Variants in TSPEAR observed in about 807,000 individuals in gnomAD.
The protein encoded by TSPEAR is thrombospondin-type laminin G domain and EAR repeat-containing protein.
TSPEAR carries 69 observed loss-of-function variants against 71.6 expected under a neutral mutation model. That is an observed-to-expected ratio of 0.96 (90% CI 0.79 to 1.18). TSPEAR has a LOEUF of 1.18. Ranked by LOEUF, TSPEAR falls within the 50% of genes most tolerant of loss-of-function variation. The pLI is 0.00. For missense variants in TSPEAR, 971 were observed against 894.9 expected (o/e 1.09, Z -1.09); for synonymous variants, 402 against 387.2 (o/e 1.04, Z -0.45).
intron 1 of TSPEAR, among the ~76,000 whole-genome samples, chr21:44,569,065 A>G (rs1286873549): frequency 6.6e-6 from 1 of 152,082 alleles, no homozygotes; most frequent in Non-Finnish European, 1.5e-5. Flanking sequence ...GCAGCTGGAG[A>G]GCAGGACTCC....
intron 9 of TSPEAR, chr21:44,517,475 G>T (rs138104441): frequency 3.5e-6 from 1 of 287,344 alleles, no homozygotes; most frequent in Non-Finnish European, 6.9e-6. Flanking sequence ...CACAGGTCCA[G>T]CTAGGCTGGG....
chr21:44,661,712 G>T (rs1358282885), intron 1 of TSPEAR, among the ~76,000 whole-genome samples: 2 of 152,310 alleles, frequency 1.3e-5, no homozygotes, highest in African/African-American at 4.8e-5. Context: ...AAGCACTGTG[G>T]AAGGTGAAGG....
chr21:44,589,293 C>T (rs1979587058), intron 1 of TSPEAR, among the ~76,000 whole-genome samples: 1 of 152,172 alleles, frequency 6.6e-6, no homozygotes, highest in Non-Finnish European at 1.5e-5. Context: ...GAATAATATT[C>T]CCCACGGGAA....
At chr21:44,699,150 T>C (rs1161029713) in intron 1 of TSPEAR, among the ~76,000 whole-genome samples, 1 of 152,048 alleles carries the variant, frequency 6.6e-6, no homozygotes, top group East Asian at 1.9e-4. Context: ...TGAGCTGAGA[T>C]TGTACCACTG....
chr21:44,652,219 G>C (rs370162587), intron 1 of TSPEAR, among the ~76,000 whole-genome samples: 14 of 152,268 alleles, frequency 9.2e-5, no homozygotes, highest in South Asian at 2.1e-4. Context: ...TCCTGACCTC[G>C]TGATCCGCCC....
chr21:44,555,768 C>T (rs1555919697), intron 2 of TSPEAR, among the ~76,000 whole-genome samples: 1 of 152,104 alleles, frequency 6.6e-6, no homozygotes, highest in East Asian at 1.9e-4. Flanking sequence ...AGACCCAGGA[C>T]AGAGAGGTCT....
At chr21:44,699,933 G>T (rs1205894691) in intron 1 of TSPEAR, among the ~76,000 whole-genome samples, 1 of 152,164 alleles carries the variant, frequency 6.6e-6, no homozygotes, top group Non-Finnish European at 1.5e-5. Context: ...CCCTGGCCCT[G>T]CCATCTTCAC....
chr21:44,674,406 T>C (rs1555946527), intron 1 of TSPEAR, among the ~76,000 whole-genome samples: 1 of 151,980 alleles, frequency 6.6e-6, no homozygotes, highest in African/African-American at 2.4e-5. Flanking sequence ...ACATTACAAC[T>C]GATACCATGG....
rs1309259637 is a variant in TSPEAR at position 44,529,845 on chromosome 21, G to A, written c.743C>T (p.Ala248Val). Reference sequence around the variant, plus strand: ...GTTATCTTCTGGCTTCCCCGTGAGAGCCTGCAGGACCCGTGGGATGGACAG... The same window carrying A: ...GTTATCTTCTGGCTTCCCCGTGAGAACCTGCAGGACCCGTGGGATGGACAG... ...AVLSIPRVLQ[A>V]LTGKPEDNEV... is the part of the protein sequence containing the mutation. Residue 248 changes from alanine (A) to valine (V), a missense_variant, in exon 5 of 12, where the codon GCT becomes GTT. By Grantham distance (64) the Ala-to-Val change is moderately conservative (BLOSUM62 0). Transcript: ENST00000323084. The A allele has an allele frequency of 1.2e-6, 2 of 1,613,906 alleles. No individual in the cohort carries two copies. The highest frequency in any genetic ancestry group is 1.1e-5 in the South Asian group (1 of 91,088).
In TSPEAR at chr21:44,531,120, G is replaced by A. The variant is rs782012153; in HGVS notation, c.556C>T (p.Pro186Ser). 70 of 1,613,552 alleles carry A rather than the reference G, an allele frequency of 4.3e-5. No individual in the cohort carries two copies. Among genetic ancestry groups the A allele is most frequent in the Non-Finnish European group, 2.5e-5 (29 of 1,179,890 alleles). The stretch of plus-strand genomic sequence containing the variant: ...TTCACTGACAGGGTGGCTGGGAAGG[G>A]CACATCGGCCATTCTGAAAATATCA... ...GLPVDIMADVPFPATLSVKGA... is the reference protein window; with the variant it reads ...GLPVDIMADVSFPATLSVKGA... The change falls in exon 4 of 12, where the codon CCC becomes TCC. Residue 186 changes from proline to serine, a missense_variant. Transcript: ENST00000323084.
intron 1 of TSPEAR, among the ~76,000 whole-genome samples, chr21:44,706,454 C>G (rs1987928836): frequency 6.6e-6 from 1 of 151,142 alleles, no homozygotes; most frequent in Non-Finnish European, 1.5e-5. Context: ...CCCACATGTA[C>G]ACACCCACGT....
At chr21:44,626,459 C>T (rs925223941) in intron 1 of TSPEAR, among the ~76,000 whole-genome samples, 9 of 152,220 alleles carry the variant, frequency 5.9e-5, no homozygotes, top group African/African-American at 1.9e-4. Flanking sequence ...TGCCTGCTGC[C>T]TAGCACAGCT....
chr21:44,521,980 A>T lies in TSPEAR; in HGVS notation c.1469T>A (p.Leu490Gln), dbSNP rs781994662. 197 of 1,614,072 alleles carry T rather than the reference A, an allele frequency of 1.2e-4. 1 individual carries two copies. The highest frequency in any genetic ancestry group is 1.5e-4 in the Non-Finnish European group (181 of 1,180,028). ...GCCGTTGAAGGTGTTGGCCACCACC[A>T]GGAACGAGTAGGGCCCCACACTGAA... ...EFFSVGPYSF[L>Q]VVANTFNGTS... The change falls in exon 9 of 12, where the codon CTG (leucine) becomes CAG (glutamine). Residue 490 changes from leucine to glutamine, a missense_variant. Coordinates refer to ENST00000323084, the MANE Select transcript of TSPEAR (RefSeq NM_144991.3).
chr21:44,571,882 T>C (rs1449090658), intron 1 of TSPEAR, among the ~76,000 whole-genome samples: 4 of 151,968 alleles, frequency 2.6e-5, no homozygotes, highest in Non-Finnish European at 5.9e-5. Context: ...AATTAGTAAG[T>C]GTGGAAGGAA....
At chr21:44,697,171 C>A (rs781909933) in intron 1 of TSPEAR, 1 of 1,603,728 alleles carries the variant, frequency 6.2e-7, no homozygotes, top group East Asian at 2.2e-5. Context: ...TCAGCTCCCC[C>A]AGCTCAACCC....
At chr21:44,579,212 G>C (rs1555924403) in intron 1 of TSPEAR, among the ~76,000 whole-genome samples, 2 of 152,130 alleles carry the variant, frequency 1.3e-5, no homozygotes, top group Non-Finnish European at 2.9e-5. Flanking sequence ...GGCCTGGAGA[G>C]CCCCACAGCC....
chr21:44,627,092 CACACACTCACAAACTCACTCACTG>C (rs1222460162), intron 1 of TSPEAR: 9 of 1,561,968 alleles, frequency 5.8e-6, no homozygotes, highest in African/African-American at 4.1e-5. Context: ...CCAAGAACCT[CACACACTCACAAACTCACTCACTG>C]ACACACTCAC....
At chr21:44,676,864 T>C in intron 1 of TSPEAR, 1 of 923,264 alleles carries the variant, frequency 1.1e-6, no homozygotes, top group South Asian at 1.3e-5. Context: ...GTGCTGCTTT[T>C]CTGTGGCCTT....
At chr21:44,503,706 C>T (rs587659963) in intron 11 of TSPEAR, among the ~76,000 whole-genome samples, 16 of 120,340 alleles carry the variant, frequency 1.3e-4, no homozygotes, top group African/African-American at 4.4e-4. Context: ...AAGCCGGCCT[C>T]GGTGAGCCCT....
Sources: allele counts gnomAD v4.1 joint callset (sites outside exome capture counted in the v4.1 genomes callset), GRCh38; gene constraint gnomAD v4.1.1; transcripts MANE v1.5; gene names NCBI Gene and HGNC (gene_info 2026-07-23, HGNC 2026-07-21).